The following ZDBF2 variants were observed in gnomAD, a reference collection of about 807,000 sequenced individuals.
ZDBF2 encodes the protein DBF4-type zinc finger-containing protein 2.
A neutral mutation model predicts 9.4 loss-of-function variants in ZDBF2; 6 were observed. That is an observed-to-expected ratio of 0.64 (90% confidence interval 0.35 to 1.27). ZDBF2 has a LOEUF of 1.27. ZDBF2 is among the 50% of genes most tolerant of loss of function. ZDBF2 has a pLI of 0.03. For missense variants in ZDBF2, 2,697 were observed against 2,766.8 expected, an observed-to-expected ratio of 0.97 and a Z score of 0.57; for synonymous variants, 905 against 946.3, an observed-to-expected ratio of 0.96 and a Z score of 0.80.
rs776870909 is a variant in ZDBF2, at chr2:206,311,068, G to A, written c.6540G>A (p.Arg2180=). The A allele has an allele frequency of 1.9e-6, 3 of 1,612,068 alleles. No individual in the cohort carries two copies. The highest frequency in any genetic ancestry group is 2.5e-6 in the Non-Finnish European group (3 of 1,179,508). Residue 2180 remains arginine (R), a synonymous_variant, in exon 5 of 5, where the codon AGG becomes AGA. Coordinates refer to ENST00000374423, the MANE Select transcript of ZDBF2 (RefSeq NM_020923.3). The part of the protein sequence containing the change: ...SQSKKKIHGK[R]VTTSSNKLGF... Reference sequence around the variant, plus strand: ...GTAAAAAGAAAATTCATGGAAAGAGGGTGACAACTAGTAGTAATAAGCTAG... The same window carrying A: ...GTAAAAAGAAAATTCATGGAAAGAGAGTGACAACTAGTAGTAATAAGCTAG...
Position 206,310,397 on chromosome 2 carries a change from A to C in ZDBF2, c.5869A>C (p.Lys1957Gln). ...QTSCKNYPVM[K>Q]RKIIRQEEDP... ...CAGTTGTAAGAATTACCCAGTGATG[A>C]AAAGAAAAATAATTAGACAAGAGGA... is the stretch of plus-strand genomic sequence containing the variant. The change falls in exon 5 of 5, where the codon AAA becomes CAA. Residue 1957 changes from lysine (K) to glutamine (Q), a missense_variant. This residue lies in a region of ZDBF2 where 1,783 missense variants were observed against 1,776.5 expected (regional missense o/e 1.00). Transcript: ENST00000374423. The C allele has an allele frequency of 6.2e-7, 1 of 1,613,996 alleles. No individual in the cohort carries two copies. The highest frequency in any genetic ancestry group is 1.3e-5 in the African/African-American group (1 of 75,054).
chr2:206,307,940 G>A lies in ZDBF2; in HGVS notation c.3412G>A (p.Val1138Met). The change falls in exon 5 of 5, where the codon GTG (valine) becomes ATG (methionine). Residue 1138 changes from valine to methionine, a missense_variant. By Grantham distance (21) the Val-to-Met change is conservative. Coordinates refer to ENST00000374423, the MANE Select transcript of ZDBF2 (RefSeq NM_020923.3). The stretch of plus-strand genomic sequence containing the variant: ...TCAACCCAAAGTAGCTATTAAACAT[G>A]TGAACCTTGGGAATGAAAACCATAT... ...ADQPKVAIKH[V>M]NLGNENHMYL... 1.9e-6 allele frequency: 3 copies of A among 1,613,692 alleles called. No individual in the cohort carries two copies. Among genetic ancestry groups the A allele is most frequent in the Non-Finnish European group, 2.5e-6 (3 of 1,179,766 alleles).
Position 206,308,999 on chromosome 2 carries a change from G to T in ZDBF2, c.4471G>T (p.Asp1491Tyr). 6.2e-7 allele frequency: 1 copy of T among 1,613,756 alleles called. No individual in the cohort carries two copies. Among genetic ancestry groups the T allele is most frequent in the African/African-American group, 1.3e-5 (1 of 75,030 alleles). Residue 1491 changes from aspartate (D) to tyrosine (Y), a missense_variant, in exon 5 of 5, where the codon GAT becomes TAT. Transcript: ENST00000374423. The stretch of plus-strand genomic sequence containing the variant: ...GCATGTTGTCATGGAAGAAAAGACC[G>T]ATCAACCTAGTGATTCAGAAATGAT... Reference protein sequence around the residue: ...EEHVVMEEKTDQPSDSEMMYD... With the variant: ...EEHVVMEEKTYQPSDSEMMYD...
intron 3 of ZDBF2, among the ~76,000 whole-genome samples, chr2:206,296,348 A>G (rs770798897): frequency 1.3e-5 from 2 of 152,220 alleles, no homozygotes; most frequent in African/African-American, 4.8e-5. Context: ...CTGTCTGCCC[A>G]TTAGTCACTC....
intron 3 of ZDBF2, among the ~76,000 whole-genome samples, chr2:206,285,268 C>T (rs900299105): frequency 2.0e-5 from 3 of 152,142 alleles, no homozygotes; most frequent in Non-Finnish European, 4.4e-5. Context: ...TTCCCACCAA[C>T]AGTGTGTAAG....
Position 206,305,922 on chromosome 2 carries a change from C to G in ZDBF2, c.1394C>G (p.Ser465Cys), listed in dbSNP as rs1692763720. 3 of 1,613,176 alleles carry G rather than the reference C, an allele frequency of 1.9e-6. 1 individual carries two copies. The South Asian group carries it at 3.3e-5, about 18-fold the overall frequency. ...ATTCTTCACTTGGTTACCAACCAAT[C>G]CCAAATGATTGTTAAAGAAATAAGT... Reference protein sequence around the residue: ...DDILHLVTNQSQMIVKEISLQ... With the variant: ...DDILHLVTNQCQMIVKEISLQ... Residue 465 changes from serine to cysteine, a missense_variant, in exon 5 of 5, where the codon TCC becomes TGC. Ser to Cys is a moderately radical substitution (Grantham distance 112). Around this residue, in one of 3 missense-constraint regions of ZDBF2, gnomAD observed 910 missense variants for 973.6 expected, o/e 0.93. Transcript: ENST00000374423.
chr2:206,282,031 A>G (rs1574378601), intron 3 of ZDBF2, 122 bp downstream of exon 3: 1 of 910,904 alleles, frequency 1.1e-6, no homozygotes, highest in East Asian at 2.8e-5. Context: ...ATTAGTTGGC[A>G]GACACTGTTT....
intron 4 of ZDBF2, among the ~76,000 whole-genome samples, chr2:206,298,787 A>G (rs1418939035): frequency 6.6e-6 from 1 of 152,096 alleles, no homozygotes; most frequent in Non-Finnish European, 1.5e-5. Flanking sequence ...TGGCTTCCCA[A>G]AGTACTGGGA....
At chr2:206,289,339 A>G (rs1257498749) in intron 3 of ZDBF2, among the ~76,000 whole-genome samples, 1 of 152,068 alleles carries the variant, frequency 6.6e-6, no homozygotes, top group African/African-American at 2.4e-5. Flanking sequence ...AGTTTCCTGC[A>G]ATTCAGGATG....
chr2:206,308,631 C>G lies in ZDBF2; in HGVS notation c.4103C>G (p.Ser1368Cys). 6.2e-7 allele frequency: 1 copy of G among 1,612,736 alleles called. No homozygotes were observed. Among genetic ancestry groups the G allele is most frequent in the African/African-American group, 1.3e-5 (1 of 75,044 alleles). Residue 1368 changes from serine (S) to cysteine (C), a missense_variant, in exon 5 of 5, where the codon TCT (serine) becomes TGT (cysteine). Around this residue, in one of 3 missense-constraint regions of ZDBF2, gnomAD observed 1,783 missense variants for 1,776.5 expected, o/e 1.00. Transcript: ENST00000374423. ...SSNSYSPEES[S>C]DSNDSFQAAA... is the part of the protein sequence containing the mutation. ...AATTCTTATAGTCCTGAAGAAAGTTCTGATTCCAATGACTCTTTTCAGGCA... is the reference window on the plus strand; with the variant it reads ...AATTCTTATAGTCCTGAAGAAAGTTGTGATTCCAATGACTCTTTTCAGGCA...
rs757284252 is a variant in ZDBF2 at position 206,311,445 on chromosome 2, A to G, written c.6917A>G (p.Lys2306Arg). Residue 2306 changes from lysine (K) to arginine (R), a missense_variant, in exon 5 of 5, where the codon AAG becomes AGG. By Grantham distance (26) the Lys-to-Arg change is conservative. Transcript: ENST00000374423. The stretch of plus-strand genomic sequence containing the variant: ...TCTTGCCGCGTTGCAAGAAGGAGGA[A>G]GAAGACTGATGAAAGCTACCATGGC... ...RASCRVARRR[K>R]KTDESYHGRQ... 2.5e-6 allele frequency: 4 copies of G among 1,612,558 alleles called. No individual in the cohort carries two copies. The highest frequency in any genetic ancestry group is 1.3e-5 in the African/African-American group (1 of 74,848).
rs1391869516 is a variant in ZDBF2, at chr2:206,310,615, A to G, written c.6087A>G (p.Lys2029=). The stretch of plus-strand genomic sequence containing the variant: ...AGGGTGAAGGCCTTCCTTTCCCTAA[A>G]ATGAGGCACCATAGTTGGGATAATG... ...LKEGEGLPFP[K]MRHHSWDNDI... The change falls in exon 5 of 5, where the codon AAA becomes AAG. Residue 2029 remains lysine, a synonymous_variant. Transcript: ENST00000374423. 1 of 1,610,042 alleles carries G rather than the reference A, an allele frequency of 6.2e-7. No individual in the cohort carries two copies. Among genetic ancestry groups the G allele is most frequent in the South Asian group, 1.1e-5 (1 of 90,588 alleles).
rs770493407 is a variant in ZDBF2, at chr2:206,305,029, T to C, written c.501T>C (p.Ile167=). 83 of 1,613,664 alleles carry C rather than the reference T, an allele frequency of 5.1e-5. No individual in the cohort carries two copies. Among genetic ancestry groups the C allele is most frequent in the Non-Finnish European group, 6.9e-5 (81 of 1,179,814 alleles). Reference sequence around the variant, plus strand: ...TGAGAAAATGTAACCTAGTAGATATTGGTCAGGCTACAAATAATAGAAGCA... The same window carrying C: ...TGAGAAAATGTAACCTAGTAGATATCGGTCAGGCTACAAATAATAGAAGCA... ...ASVRKCNLVD[I]GQATNNRSNL... Residue 167 remains isoleucine (I), a synonymous_variant, in exon 5 of 5, where the codon ATT becomes ATC. Transcript: ENST00000374423.
intron 4 of ZDBF2, among the ~76,000 whole-genome samples, chr2:206,302,616 T>C (rs1454703331): frequency 6.6e-6 from 1 of 152,214 alleles, no homozygotes; most frequent in Non-Finnish European, 1.5e-5. Flanking sequence ...CAAATGAAGA[T>C]AGTTTAGGGT....
In ZDBF2 at chr2:206,304,936, A is replaced by G; in HGVS notation, c.408A>G (p.Ser136=). 6.2e-7 allele frequency: 1 copy of G among 1,613,714 alleles called. No individual in the cohort carries two copies. The highest frequency in any genetic ancestry group is 8.5e-7 in the Non-Finnish European group (1 of 1,179,780). The change falls in exon 5 of 5, where the codon TCA becomes TCG. Residue 136 remains serine (S), a synonymous_variant. Transcript: ENST00000374423. The stretch of plus-strand genomic sequence containing the variant: ...CGCAGGAGGTTTCAGTTCGACCATC[A>G]GTTATTCAAAAACTGGAGAAGGGAC... The part of the protein sequence containing the change: ...EGTQEVSVRP[S]VIQKLEKGQQ...
intron 4 of ZDBF2, among the ~76,000 whole-genome samples, 199 bp downstream of exon 4, chr2:206,297,572 T>C (rs1309170822): frequency 6.6e-6 from 1 of 152,200 alleles, no homozygotes; most frequent in African/African-American, 2.4e-5. Context: ...GACTACACTA[T>C]GTTTTTTTCT....
chr2:206,301,337 G>T (rs1336686849), intron 4 of ZDBF2, among the ~76,000 whole-genome samples: 1 of 151,740 alleles, frequency 6.6e-6, no homozygotes, highest in Non-Finnish European at 1.5e-5. Context: ...TAAAATTTTT[G>T]ATTTAATCAG....
Position 206,305,475 on chromosome 2 carries a change from C to T in ZDBF2, c.947C>T (p.Pro316Leu), listed in dbSNP as rs755141434. ...LAVNPNKTDM[P>L]SNKGIFEDTI... is the part of the protein sequence containing the mutation. The stretch of plus-strand genomic sequence containing the variant: ...GTAAACCCGAATAAAACTGACATGC[C>T]TTCTAATAAAGGAATCTTTGAAGAT... Residue 316 changes from proline to leucine, a missense_variant, in exon 5 of 5, where the codon CCT (proline) becomes CTT (leucine). Physicochemically the swap from Pro to Leu is moderately conservative, Grantham distance 98 (BLOSUM62 -3). This residue lies in a region of ZDBF2 where 910 missense variants were observed against 973.6 expected (regional missense o/e 0.93). Transcript: ENST00000374423. 1 of 1,612,764 alleles carries T rather than the reference C, an allele frequency of 6.2e-7. No homozygotes were observed. Among genetic ancestry groups the T allele is most frequent in the African/African-American group, 1.3e-5 (1 of 74,782 alleles).
At chr2:206,283,030 T>C (rs1157530897) in intron 3 of ZDBF2, among the ~76,000 whole-genome samples, 1 of 152,250 alleles carries the variant, frequency 6.6e-6, no homozygotes, top group African/African-American at 2.4e-5. Context: ...ATCCAGGCTG[T>C]AACATGCATC....
Sources: allele counts gnomAD v4.1 joint callset (sites outside exome capture counted in the v4.1 genomes callset), GRCh38; gene constraint gnomAD v4.1.1; regional missense constraint gnomAD v4.1.1; transcripts MANE v1.5; gene names NCBI Gene and HGNC (gene_info 2026-07-23, HGNC 2026-07-21).